Variants in SYNE3 observed in about 807,000 individuals in gnomAD.
The protein encoded by SYNE3 is nesprin-3.
Under a neutral mutation model 111.2 loss-of-function variants are expected in SYNE3, and 100 were observed. The observed-to-expected ratio is 0.90, with a 90% CI of 0.77 to 1.06. SYNE3 has a LOEUF of 1.06. SYNE3 is among the 50% of genes least tolerant of loss of function. The pLI, the probability that SYNE3 is intolerant of heterozygous loss-of-function variation, is 0.00. For synonymous variants in SYNE3, 547 were observed against 533.9 expected, an observed-to-expected ratio of 1.02 and a Z score of -0.34; for missense variants, 1,160 against 1,240.3, an observed-to-expected ratio of 0.94 and a Z score of 0.97.
At chr14:95,447,405 G>C (rs996668136) in intron 8 of SYNE3, among the ~76,000 whole-genome samples, 7 of 152,180 alleles carry the variant, frequency 4.6e-5, no homozygotes, top group African/African-American at 1.7e-4. Flanking sequence ...CAAAGTGCTG[G>C]GATTACAGGC....
intron 1 of SYNE3, among the ~76,000 whole-genome samples, chr14:95,487,069 C>A (rs1053854641): frequency 6.6e-6 from 1 of 152,182 alleles, no homozygotes; most frequent in Admixed American, 6.5e-5. Context: ...GTCCTTCCCC[C>A]ACTCTGCCCC....
chr14:95,455,502 T>G lies in SYNE3; in HGVS notation c.1012A>C (p.Lys338Gln). ...TCACTGAGCTCAGCCTCCAGCTGCTTAATCTGCTGCTCCCAGGCTCCCCTG... is the reference window on the plus strand; with the variant it reads ...TCACTGAGCTCAGCCTCCAGCTGCTGAATCTGCTGCTCCCAGGCTCCCCTG... Reference protein sequence around the residue: ...RSRGAWEQQIKQLEAELSEFR... With the variant: ...RSRGAWEQQIQQLEAELSEFR... The change falls in exon 6 of 18, where the codon AAG (lysine) becomes CAG (glutamine). Residue 338 changes from lysine to glutamine, a missense_variant. Physicochemically the swap from Lys to Gln is moderately conservative, Grantham distance 53. Transcript: ENST00000682763. 1 of 1,613,838 alleles carries G rather than the reference T, an allele frequency of 6.2e-7. No homozygotes were observed. The highest frequency in any genetic ancestry group is 2.2e-5 in the East Asian group (1 of 44,874).
chr14:95,478,078 G>C (rs1888997167), intron 1 of SYNE3, among the ~76,000 whole-genome samples: 1 of 152,080 alleles, frequency 6.6e-6, no homozygotes, highest in Non-Finnish European at 1.5e-5. Flanking sequence ...GTGTCTGGAG[G>C]GTATAGCAGA....
At position 95,415,849 on chromosome 14, in the gene SYNE3, G is replaced by C. The variant is rs1903564133; in HGVS notation, c.*1977C>G. ...AACTCTACTAAAAATACAAAAATTA[G>C]CTGGGCATGGTGGCAGATGCCTGTA... is the stretch of plus-strand genomic sequence containing the variant. On this transcript the variant is annotated 3_prime_UTR_variant, in exon 18 of 18. Coordinates refer to ENST00000682763, the MANE Select transcript of SYNE3 (RefSeq NM_152592.6). The C allele has an allele frequency of 6.6e-6, 1 of 152,188 alleles. No individual in the cohort carries two copies. The highest frequency in any genetic ancestry group is 2.4e-5 in the African/African-American group (1 of 41,434). 9.4% of individuals were successfully genotyped at this position (152,188 alleles called of 1,614,324 possible). A position where few individuals can be genotyped will look rare whatever the true frequency, so the allele number is the denominator to read the frequency against.
At chr14:95,510,906 C>G (rs1890700594) in intron 1 of SYNE3, among the ~76,000 whole-genome samples, 1 of 152,256 alleles carries the variant, frequency 6.6e-6, no homozygotes, top group Admixed American at 6.5e-5. Flanking sequence ...AGAGGTAGAG[C>G]TTTAGCCTCT....
intron 1 of SYNE3, among the ~76,000 whole-genome samples, chr14:95,515,401 G>C (rs1890882563): frequency 6.6e-6 from 1 of 152,196 alleles, no homozygotes; most frequent in Admixed American, 6.5e-5. Flanking sequence ...ACTCCTATGG[G>C]CTGTTGGCTG....
intron 1 of SYNE3, among the ~76,000 whole-genome samples, chr14:95,503,610 CTTTTT>C (rs386382233): frequency 9.8e-5 from 9 of 91,882 alleles, no homozygotes; most frequent in African/African-American, 3.6e-4. Flanking sequence ...TCAGAACTAC[CTTTTT>C]TTTTTTTTTT....
chr14:95,511,809 C>A (rs1890731849), intron 1 of SYNE3, among the ~76,000 whole-genome samples: 1 of 152,168 alleles, frequency 6.6e-6, no homozygotes, highest in South Asian at 2.1e-4. Context: ...CCTGAGTGCC[C>A]TAAGGAGGAG....
chr14:95,511,850 C>G (rs1595266619), intron 1 of SYNE3, among the ~76,000 whole-genome samples: 1 of 152,328 alleles, frequency 6.6e-6, no homozygotes, highest in South Asian at 2.1e-4. Context: ...ACTGGTCTGT[C>G]TGTCGGGTGG....
chr14:95,433,212 T>C (rs1178797698), intron 16 of SYNE3, 48 bp downstream of exon 16: 2 of 1,598,458 alleles, frequency 1.3e-6, no homozygotes, highest in Non-Finnish European at 1.7e-6. Flanking sequence ...ACGGCCCAGC[T>C]ATAGTCCTGT....
chr14:95,513,737 T>TTA (rs59944497), intron 1 of SYNE3, among the ~76,000 whole-genome samples: 4,022 of 92,360 alleles, frequency 0.044, 114 homozygotes, highest in East Asian at 0.11. Context: ...GCTGCTTAGA[T>TTA]TATATATATA....
In SYNE3 at chr14:95,433,396, C is replaced by T. The variant is rs529915336; in HGVS notation, c.2552G>A (p.Arg851Gln). The T allele has an allele frequency of 3.5e-5, 56 of 1,614,038 alleles. No individual in the cohort carries two copies. Among genetic ancestry groups the T allele is most frequent in the African/African-American group, 1.1e-4 (8 of 75,050 alleles). The change falls in exon 16 of 18, where the codon CGG becomes CAG. Residue 851 changes from arginine to glutamine, a missense_variant. Coordinates refer to ENST00000682763, the MANE Select transcript of SYNE3 (RefSeq NM_152592.6). Reference sequence around the variant, plus strand: ...AAAGAGATGCTGACCTTCTGGCACCCGAGCCTCCAGCTCCTGGGGGAAACA... The same window carrying T: ...AAAGAGATGCTGACCTTCTGGCACCTGAGCCTCCAGCTCCTGGGGGAAACA... The part of the protein sequence containing the change: ...RKSKLQELEA[R>Q]VPEGQHLFEN...
At chr14:95,427,089 A>C (rs60737156) in intron 17 of SYNE3, among the ~76,000 whole-genome samples, 3,743 of 152,280 alleles carry the variant, frequency 0.025, 159 homozygotes, top group African/African-American at 0.084. Flanking sequence ...AAGCTAGGAA[A>C]AACCAGGCCA....
rs1888829686 is a variant in SYNE3 at position 95,475,553 on chromosome 14, A to G, written c.144+125T>C. 11 of 1,147,938 alleles carry G rather than the reference A, an allele frequency of 9.6e-6. No individual in the cohort carries two copies. The South Asian group carries it at 2.8e-4, about 30-fold the overall frequency. 71.1% of individuals were successfully genotyped at this position (1,147,938 alleles called of 1,614,324 possible). A position where few individuals can be genotyped will look rare whatever the true frequency, so the allele number is the denominator to read the frequency against. On this transcript the variant is annotated intron_variant, in intron 2 of 17. Coordinates refer to ENST00000682763, the MANE Select transcript of SYNE3 (RefSeq NM_152592.6). ...AAATCTCCAGGAGATCTGTGTGCAC[A>G]TCAGAGTTTGAGAAACATTGGTTTA... is the stretch of plus-strand genomic sequence containing the variant.
At chr14:95,492,724 G>C (rs185164119) in intron 1 of SYNE3, among the ~76,000 whole-genome samples, 127 of 152,252 alleles carry the variant, frequency 8.3e-4, no homozygotes, top group African/African-American at 2.8e-3. Flanking sequence ...AATATACTAA[G>C]AGGCATTGAG....
At chr14:95,442,214 C>T (rs58011546) in intron 11 of SYNE3, among the ~76,000 whole-genome samples, 48,740 of 152,128 alleles carry the variant, frequency 0.32, 8,000 homozygotes, top group East Asian at 0.49. Flanking sequence ...GATGGTTGTG[C>T]CACCTGACAC....
intron 2 of SYNE3, among the ~76,000 whole-genome samples, chr14:95,475,439 G>A (rs1888821806): frequency 6.6e-6 from 1 of 152,222 alleles, no homozygotes; most frequent in African/African-American, 2.4e-5. Flanking sequence ...GTGTTCCAAG[G>A]ACCAGCAAAA....
chr14:95,473,032 CA>C (rs1888627603), intron 2 of SYNE3, among the ~76,000 whole-genome samples: 1 of 152,206 alleles, frequency 6.6e-6, no homozygotes, highest in Admixed American at 6.5e-5. Context: ...GGGCAGGTCC[CA>C]TGGGTAGGTC....
chr14:95,514,205 T>C (rs1184315118), intron 1 of SYNE3, among the ~76,000 whole-genome samples: 2 of 152,150 alleles, frequency 1.3e-5, no homozygotes, highest in East Asian at 3.9e-4. Flanking sequence ...AAAATATTCA[T>C]TATCACCCCG....
Sources: allele counts gnomAD v4.1 joint callset (sites outside exome capture counted in the v4.1 genomes callset), GRCh38; gene constraint gnomAD v4.1.1; transcripts MANE v1.5; gene names NCBI Gene and HGNC (gene_info 2026-07-23, HGNC 2026-07-21).